The following CHRNB1 variants were observed in gnomAD, a reference collection of about 807,000 sequenced individuals.
CHRNB1 encodes the protein cholinergic receptor nicotinic beta 1 subunit.
A neutral mutation model predicts 53.8 loss-of-function variants in CHRNB1; 47 were observed. That is an observed-to-expected ratio of 0.87 (90% CI 0.69 to 1.11). The LOEUF (loss-of-function observed/expected upper bound fraction) is 1.11, where lower values mean the gene tolerates loss of function less well. CHRNB1 is among the 50% of genes most tolerant of loss of function. The pLI is 0.00. For synonymous variants in CHRNB1, 259 were observed against 263.5 expected (o/e 0.98, Z 0.16); for missense variants, 605 against 654.9 (o/e 0.92, Z 0.83).
chr17:7,451,950 C>T (rs1237826825), intron 7 of CHRNB1, among the ~76,000 whole-genome samples: 2 of 152,242 alleles, frequency 1.3e-5, no homozygotes, highest in East Asian at 1.9e-4. Context: ...CCACCCCAGC[C>T]CTGGAAGCCC....
chr17:7,447,115 AC>A lies in CHRNB1; in HGVS notation c.431del (p.Pro144ArgfsTer74). ...VSSDGSVRWQ[P>X]PGIYRSSCSI... ...CCTCCGACGGCTCCGTGCGTTGGCAACCCCCGGGCATCTATCGCAGCAGCTG... is the reference window on the plus strand; with the variant it reads ...CCTCCGACGGCTCCGTGCGTTGGCAACCCCGGGCATCTATCGCAGCAGCTG... On this transcript the variant is annotated frameshift_variant, in exon 5 of 11. Transcript: ENST00000306071. LOFTEE classifies it high-confidence loss of function. 6.2e-7 allele frequency: 1 copy of A among 1,613,674 alleles called. No homozygotes were observed. The highest frequency in any genetic ancestry group is 8.5e-7 in the Non-Finnish European group (1 of 1,179,918).
chr17:7,456,014 C>A, intron 10 of CHRNB1, 73 bp downstream of exon 10: 4 of 1,247,414 alleles, frequency 3.2e-6, no homozygotes, highest in Non-Finnish European at 4.6e-6. Flanking sequence ...CGCACCAGCA[C>A]TCGCTTTCGT....
chr17:7,456,500 A>G (rs987010006), intron 10 of CHRNB1, 83 bp from the exon 11 acceptor site: 8 of 1,586,452 alleles, frequency 5.0e-6, no homozygotes, highest in Non-Finnish European at 6.9e-6. Context: ...GGAGGACTCA[A>G]GCGGGTAGCG....
At chr17:7,447,455 G>T in intron 5 of CHRNB1, 48 bp from the exon 6 acceptor site, 1 of 1,612,392 alleles carries the variant, frequency 6.2e-7, no homozygotes, top group Non-Finnish European at 8.5e-7. Flanking sequence ...AACTCCACCA[G>T]CGCTGACTGG....
intron 8 of CHRNB1, among the ~76,000 whole-genome samples, chr17:7,455,015 C>T (rs1367654853): frequency 6.6e-6 from 1 of 151,956 alleles, no homozygotes; most frequent in Non-Finnish European, 1.5e-5. Context: ...GTTGGCCAGG[C>T]TGGTCTTGAA....
chr17:7,446,280 C>T (rs1908606627), intron 3 of CHRNB1, 167 bp downstream of exon 3: 1 of 661,538 alleles, frequency 1.5e-6, no homozygotes, highest in African/African-American at 1.8e-5. Context: ...GGAGTTACAC[C>T]CCATGCATTT....
rs769847540 is a variant in CHRNB1, at chr17:7,455,946, GT to G, written c.1365+6del. 2 of 1,612,856 alleles carry G rather than the reference GT, an allele frequency of 1.2e-6. No homozygotes were observed. ...GAACAGGAGGACCACGATGCGGTATGTCCAACGGGGGTGGAACAAGGCCAGG... is the reference window on the plus strand; with the variant it reads ...GAACAGGAGGACCACGATGCGGTATGCCAACGGGGGTGGAACAAGGCCAGG... On this transcript the variant is annotated splice_donor_region_variant and intron_variant, in intron 10 of 10. Coordinates refer to ENST00000306071, the MANE Select transcript of CHRNB1 (RefSeq NM_000747.3).
chr17:7,454,247 C>A, intron 7 of CHRNB1, 50 bp from the exon 8 acceptor site: 4 of 1,449,576 alleles, frequency 2.8e-6, no homozygotes, highest in Non-Finnish European at 3.9e-6. Context: ...TGCCATAGAG[C>A]TTTCCTTCAG....
chr17:7,446,333 G>GTGTGTGTGTGTC (rs1908622344), intron 3 of CHRNB1: 2 of 232,632 alleles, frequency 8.6e-6, no homozygotes, highest in South Asian at 9.2e-5. Context: ...GTGTCTGTGT[G>GTGTGTGTGTGTC]TGTGTGTGTG....
chr17:7,451,564 A>C (rs1908890717), intron 7 of CHRNB1, among the ~76,000 whole-genome samples: 2 of 151,902 alleles, frequency 1.3e-5, no homozygotes, highest in South Asian at 4.2e-4. Context: ...TACAGGTGTA[A>C]GCCACCCCGC....
At position 7,456,944 on chromosome 17, in the gene CHRNB1, C is replaced by T; in HGVS notation, c.*221C>T. 1.7e-6 allele frequency: 1 copy of T among 595,402 alleles called. No homozygotes were observed. Among genetic ancestry groups the T allele is most frequent in the East Asian group, 2.9e-5 (1 of 34,246 alleles). 36.9% of individuals were successfully genotyped at this position (595,402 alleles called of 1,614,324 possible). On this transcript the variant is annotated 3_prime_UTR_variant, in exon 11 of 11. Transcript: ENST00000306071. ...TTTACTCTTTGGGATCTTGAAGAAG[C>T]TCTTTTGGGTATCAACACCTAGGTC...
chr17:7,446,295 T>G, intron 3 of CHRNB1, 182 bp downstream of exon 3: 1 of 635,372 alleles, frequency 1.6e-6, no homozygotes, highest in African/African-American at 1.8e-5. Context: ...GCATTTTTAA[T>G]TCCAATTTTG....
intron 5 of CHRNB1, 144 bp from the exon 6 acceptor site, chr17:7,447,359 A>G: frequency 1.0e-6 from 1 of 956,298 alleles, no homozygotes; most frequent in South Asian, 1.4e-5. Flanking sequence ...CGCCCTCCCC[A>G]TCCCTCCCCC....
At chr17:7,450,889 C>T (rs1908859519) in intron 7 of CHRNB1, among the ~76,000 whole-genome samples, 1 of 152,258 alleles carries the variant, frequency 6.6e-6, no homozygotes, top group South Asian at 2.1e-4. Flanking sequence ...CCATCAAATC[C>T]TTTGTCTAAA....
At position 7,451,888 on chromosome 17, in the gene CHRNB1, G is replaced by A. The variant is rs530614584; in HGVS notation, c.821-2409G>A. ...GCTCAGCTACATGCTCAGCAGTCAG[G>A]GCCACTGAGGCCACAGCCCCGCCGC... is the stretch of plus-strand genomic sequence containing the variant. On this transcript the variant is annotated intron_variant, in intron 7 of 10. Transcript: ENST00000306071. Among the ~76,000 whole-genome samples the A allele has an allele frequency of 9.2e-5, 14 of 152,198 alleles. 1 individual carries two copies. The highest frequency in any genetic ancestry group is 2.0e-4 in the Admixed American group (3 of 15,292).
rs111972643 is a variant in CHRNB1, at chr17:7,456,238, G to C, written c.1365+297G>C. ...CTGGCTAATTTTTGTATTTTTAGTAGAGACGTGGCTTCACCATGTTGGCCA... is the reference window on the plus strand; with the variant it reads ...CTGGCTAATTTTTGTATTTTTAGTACAGACGTGGCTTCACCATGTTGGCCA... On this transcript the variant is annotated intron_variant, in intron 10 of 10. Transcript: ENST00000306071. Among the ~76,000 whole-genome samples, 29,675 of 151,576 alleles carry C rather than the reference G, an allele frequency of 0.2. 3,062 individuals carry two copies. The highest frequency in any genetic ancestry group is 0.28 in the South Asian group (1,335 of 4,798).
In CHRNB1 at chr17:7,452,064, T is replaced by C. The variant is rs554776257; in HGVS notation, c.821-2233T>C. On this transcript the variant is annotated intron_variant, in intron 7 of 10. Transcript: ENST00000306071. ...TTTCTTTCTTTCCTTTTTCTTTTTT[T>C]TTTTTTTTTTAGATACAGTCCCTGT... 2.6e-4 allele frequency among the ~76,000 whole-genome samples: 40 copies of C among 151,180 alleles called. No homozygotes were observed. In the South Asian group the frequency reaches 3.5e-3, roughly 13 times the overall value.
rs1051316024 is a variant in CHRNB1, at chr17:7,455,946, G to A, written c.1365+5G>A. Reference sequence around the variant, plus strand: ...GAACAGGAGGACCACGATGCGGTATGTCCAACGGGGGTGGAACAAGGCCAG... The same window carrying A: ...GAACAGGAGGACCACGATGCGGTATATCCAACGGGGGTGGAACAAGGCCAG... On this transcript the variant is annotated splice_donor_5th_base_variant and intron_variant, in intron 10 of 10. Coordinates refer to ENST00000306071, the MANE Select transcript of CHRNB1 (RefSeq NM_000747.3). The A allele has an allele frequency of 1.2e-6, 2 of 1,612,856 alleles. No homozygotes were observed. Among genetic ancestry groups the A allele is most frequent in the East Asian group, 4.5e-5 (2 of 44,772 alleles).
chr17:7,446,991 G>A (rs750195665), intron 4 of CHRNB1, 49 bp downstream of exon 4: 3 of 1,598,068 alleles, frequency 1.9e-6, no homozygotes, highest in South Asian at 1.1e-5. Context: ...CTCGGGGGGC[G>A]GGGGGCCTCC....
Sources: allele counts gnomAD v4.1 joint callset (sites outside exome capture counted in the v4.1 genomes callset), GRCh38; gene constraint gnomAD v4.1.1; transcripts MANE v1.5; gene names NCBI Gene and HGNC (gene_info 2026-07-23, HGNC 2026-07-21).